Variants in GRID1 observed in about 807,000 individuals in gnomAD.
GRID1 encodes the protein glutamate ionotropic receptor delta type subunit 1.
In GRID1, 28 loss-of-function variants were observed where a neutral mutation model predicts 98.0. That is an observed-to-expected ratio of 0.29 (90% CI 0.21 to 0.39). The LOEUF (loss-of-function observed/expected upper bound fraction) is 0.39. Ranked by LOEUF, GRID1 falls within the 10% of genes least tolerant of loss-of-function variation. The pLI is 1.00. For synonymous variants in GRID1, 553 were observed against 538.5 expected, an observed-to-expected ratio of 1.03 and a Z score of -0.37; for missense variants, 1,111 against 1,340.5, an observed-to-expected ratio of 0.83 and a Z score of 2.67.
At position 85,923,079 on chromosome 10, in the gene GRID1, C is replaced by T. The variant is rs571031173; in HGVS notation, c.727-6840G>A. Among the ~76,000 whole-genome samples the T allele has an allele frequency of 5.6e-3, 846 of 152,050 alleles. 2 individuals carry two copies. The highest frequency in any genetic ancestry group is 8.9e-3 in the Non-Finnish European group (606 of 68,004). On this transcript the variant is annotated intron_variant, in intron 4 of 15. Coordinates refer to ENST00000327946, the MANE Select transcript of GRID1 (RefSeq NM_017551.3). ...TAGATCCCACTGGGGAATCTTGGAT[C>T]CCAGAAGGTCTCTTTTCCAGTATTT... is the stretch of plus-strand genomic sequence containing the variant.
chr10:85,629,229 T>C (rs1022862494), intron 13 of GRID1, among the ~76,000 whole-genome samples: 12 of 152,200 alleles, frequency 7.9e-5, no homozygotes, highest in Non-Finnish European at 1.8e-4. Flanking sequence ...TTCCTTTTCT[T>C]TGTTAGAAAA....
rs1841976959 is a variant in GRID1, at chr10:85,744,264, G to A, written c.1234-14650C>T. On this transcript the variant is annotated intron_variant, in intron 8 of 15. Coordinates refer to ENST00000327946, the MANE Select transcript of GRID1 (RefSeq NM_017551.3). ...CAACAGAAATTCTAAAAATCCCTAG[G>A]AGCCTGTTTGGGAATTCAAGCTAAA... Among the ~76,000 whole-genome samples the A allele has an allele frequency of 2.0e-5, 3 of 152,116 alleles. No individual in the cohort carries two copies. The South Asian group carries it at 6.2e-4, about 32-fold the overall frequency.
At chr10:85,771,192 TCAA>T in intron 8 of GRID1, among the ~76,000 whole-genome samples, 1 of 152,286 alleles carries the variant, frequency 6.6e-6, no homozygotes, top group African/African-American at 2.4e-5. Context: ...AAAAGAATTT[TCAA>T]CCCAGAATTT....
chr10:85,626,123 G>T (rs1256573779), intron 13 of GRID1, among the ~76,000 whole-genome samples: 2 of 152,244 alleles, frequency 1.3e-5, no homozygotes, highest in East Asian at 1.9e-4. Flanking sequence ...CAGGGTAGGT[G>T]TGGGGCACCC....
chr10:86,212,194 C>A (rs191026870), intron 2 of GRID1, among the ~76,000 whole-genome samples: 1 of 152,202 alleles, frequency 6.6e-6, no homozygotes, highest in Admixed American at 6.5e-5. Flanking sequence ...CCTGGTGCCA[C>A]CCCCCAGTCA....
chr10:85,751,430 C>T (rs75935180), intron 8 of GRID1, among the ~76,000 whole-genome samples: 4,987 of 152,240 alleles, frequency 0.033, 126 homozygotes, highest in Non-Finnish European at 0.047. Context: ...GAAAAGACTG[C>T]TGCTGAAAGC....
chr10:85,832,425 C>T (rs942677246), intron 8 of GRID1, among the ~76,000 whole-genome samples: 1 of 151,828 alleles, frequency 6.6e-6, no homozygotes, highest in Non-Finnish European at 1.5e-5. Context: ...AAATTATTAA[C>T]AAAATGTTAG....
intron 4 of GRID1, among the ~76,000 whole-genome samples, chr10:85,934,013 G>A (rs1202363857): frequency 6.6e-6 from 1 of 152,192 alleles, no homozygotes; most frequent in African/African-American, 2.4e-5. Flanking sequence ...TAGGTACCCT[G>A]TCCTCAGTGA....
chr10:86,242,689 A>T (rs980999985), intron 2 of GRID1, among the ~76,000 whole-genome samples: 6 of 152,186 alleles, frequency 3.9e-5, no homozygotes, highest in African/African-American at 1.2e-4. Flanking sequence ...CACCTCGTCC[A>T]AAAGGGCCTC....
intron 3 of GRID1, among the ~76,000 whole-genome samples, chr10:86,187,096 A>T (rs1378806078): frequency 6.6e-6 from 1 of 152,166 alleles, no homozygotes; most frequent in African/African-American, 2.4e-5. Context: ...CAGAGGACAG[A>T]GATCCAGGTG....
At chr10:85,739,949 C>T (rs1841924063) in intron 8 of GRID1, among the ~76,000 whole-genome samples, 1 of 152,180 alleles carries the variant, frequency 6.6e-6, no homozygotes, top group Non-Finnish European at 1.5e-5. Context: ...GAATGTTCAT[C>T]TCTTGCACTA....
At chr10:86,268,868 G>A (rs545078128) in intron 2 of GRID1, among the ~76,000 whole-genome samples, 1 of 152,166 alleles carries the variant, frequency 6.6e-6, no homozygotes, top group African/African-American at 2.4e-5. Flanking sequence ...GCACATGCCT[G>A]TAGTCCCAGC....
At chr10:86,004,941 G>A (rs1842843314) in intron 4 of GRID1, among the ~76,000 whole-genome samples, 1 of 152,166 alleles carries the variant, frequency 6.6e-6, no homozygotes, top group Non-Finnish European at 1.5e-5. Flanking sequence ...ACACTCTGAG[G>A]AAGCTATCAT....
At position 86,064,609 on chromosome 10, in the gene GRID1, C is replaced by A. The variant is rs143760502; in HGVS notation, c.726+74210G>T. ...TAGGCAAAGCTGGCCATGCTGGAGTCAGAAATCAAATCTAAACCTTCTCCA... is the reference window on the plus strand; with the variant it reads ...TAGGCAAAGCTGGCCATGCTGGAGTAAGAAATCAAATCTAAACCTTCTCCA... On this transcript the variant is annotated intron_variant, in intron 4 of 15. Transcript: ENST00000327946. Among the ~76,000 whole-genome samples the A allele has an allele frequency of 4.5e-4, 69 of 152,300 alleles. No homozygotes were observed. In the East Asian group the frequency reaches 6.8e-3, roughly 15 times the overall value.
In GRID1 at chr10:86,057,745, C is replaced by T. The variant is rs577005918; in HGVS notation, c.726+81074G>A. On this transcript the variant is annotated intron_variant, in intron 4 of 15. Coordinates refer to ENST00000327946, the MANE Select transcript of GRID1 (RefSeq NM_017551.3). The stretch of plus-strand genomic sequence containing the variant: ...TTCGGGCCATTTCCTCAGTTACTCC[C>T]TCTCAGAACCACATCTCTTTCTTTC... Among the ~76,000 whole-genome samples, 5 of 152,264 alleles carry T rather than the reference C, an allele frequency of 3.3e-5. No homozygotes were observed. In the East Asian group the frequency reaches 9.7e-4, roughly 29 times the overall value.
Position 86,244,146 on chromosome 10 carries a change from A to AT in GRID1, c.236-37499dup, listed in dbSNP as rs968145512. On this transcript the variant is annotated intron_variant, in intron 2 of 15. Transcript: ENST00000327946. The stretch of plus-strand genomic sequence containing the variant: ...GCTGATAGTGGGACCTGGCCAGGGA[A>AT]TTTTTTTTTAACCAACTGCACTTCC... Among the ~76,000 whole-genome samples the AT allele has an allele frequency of 1.4e-4, 22 of 151,884 alleles. 1 individual carries two copies. Among genetic ancestry groups the AT allele is most frequent in the Non-Finnish European group, 2.8e-4 (19 of 67,890 alleles).
intron 2 of GRID1, among the ~76,000 whole-genome samples, chr10:86,224,555 G>C (rs1159053170): frequency 2.6e-5 from 4 of 152,082 alleles, no homozygotes; most frequent in Non-Finnish European, 5.9e-5. Flanking sequence ...ACAAAAATAG[G>C]GGAGACGCAC....
intron 5 of GRID1, among the ~76,000 whole-genome samples, chr10:85,890,194 T>C (rs893145120): frequency 6.6e-6 from 1 of 152,066 alleles, no homozygotes; most frequent in Non-Finnish European, 1.5e-5. Flanking sequence ...TGATTACTGA[T>C]GTTAGGAGAA....
At chr10:86,150,165 A>G (rs1413072494) in intron 3 of GRID1, among the ~76,000 whole-genome samples, 1 of 152,126 alleles carries the variant, frequency 6.6e-6, no homozygotes, top group Non-Finnish European at 1.5e-5. Context: ...TTTCCCCACA[A>G]GCTTCTTTCC....
Sources: allele counts gnomAD v4.1 joint callset (sites outside exome capture counted in the v4.1 genomes callset), GRCh38; gene constraint gnomAD v4.1.1; transcripts MANE v1.5; gene names NCBI Gene and HGNC (gene_info 2026-07-23, HGNC 2026-07-21).